Variants in TMEM26 observed in about 807,000 individuals in gnomAD.
The protein encoded by TMEM26 is transmembrane protein 26.
TMEM26 carries 38 observed loss-of-function variants against 28.8 expected under a neutral mutation model. The observed-to-expected ratio is 1.32, with a 90% CI of 1.02 to 1.73. The LOEUF is 1.73. Among genes scored for constraint, TMEM26 ranks in the 40% most tolerant of loss-of-function variants. TMEM26 has a pLI of 0.00. For synonymous variants in TMEM26, 227 were observed against 182.9 expected (o/e 1.24, Z -1.95); for missense variants, 518 against 447.1 (o/e 1.16, Z -1.43).
chr10:61,418,798 G>A (rs1294171089), intron 4 of TMEM26, among the ~76,000 whole-genome samples: 1 of 152,068 alleles, frequency 6.6e-6, no homozygotes, highest in East Asian at 1.9e-4. Context: ...GCTATAGAAG[G>A]GCTAGATGAG....
At chr10:61,416,682 A>T (rs1839657641) in intron 4 of TMEM26, among the ~76,000 whole-genome samples, 1 of 151,994 alleles carries the variant, frequency 6.6e-6, no homozygotes. Context: ...CATAGTGTGG[A>T]TGTAAATGCA....
intron 1 of TMEM26, among the ~76,000 whole-genome samples, chr10:61,444,509 T>C (rs1840146873): frequency 6.6e-6 from 1 of 152,124 alleles, no homozygotes; most frequent in Non-Finnish European, 1.5e-5. Context: ...TGTCCTGTTT[T>C]GGTTTTACAA....
chr10:61,442,125 C>A (rs961330823), intron 1 of TMEM26, among the ~76,000 whole-genome samples: 7 of 152,134 alleles, frequency 4.6e-5, no homozygotes, highest in African/African-American at 1.4e-4. Context: ...AAGCTTTACT[C>A]ATTGCTTTTG....
chr10:61,430,128 T>C (rs1564477898), intron 3 of TMEM26, among the ~76,000 whole-genome samples: 1 of 151,876 alleles, frequency 6.6e-6, no homozygotes, highest in East Asian at 1.9e-4. Flanking sequence ...AGGAAGCACA[T>C]TAGTAGAGTA....
intron 4 of TMEM26, 29 bp downstream of exon 4, chr10:61,428,897 A>C (rs1206725300): frequency 6.3e-7 from 1 of 1,597,248 alleles, no homozygotes. Flanking sequence ...CCCTGAAAAC[A>C]AGGTGTTTTT....
At chr10:61,451,772 TGTAA>T (rs1015020072) in intron 1 of TMEM26, among the ~76,000 whole-genome samples, 2 of 152,088 alleles carry the variant, frequency 1.3e-5, no homozygotes, top group Middle Eastern at 3.2e-3. Context: ...CAGTAGAAAA[TGTAA>T]GTAAGATTCA....
intron 4 of TMEM26, chr10:61,415,995 T>G (rs1244343437): frequency 5.0e-6 from 2 of 398,512 alleles, no homozygotes; most frequent in Admixed American, 3.0e-5. Context: ...AGGATTTCAG[T>G]TGCACCTGTG....
intron 1 of TMEM26, among the ~76,000 whole-genome samples, chr10:61,450,131 C>T (rs1014612744): frequency 1.3e-5 from 2 of 152,000 alleles, no homozygotes; most frequent in Non-Finnish European, 2.9e-5. Flanking sequence ...CATATGGGTA[C>T]CTTTAGTTCT....
chr10:61,418,379 C>T (rs1464737591), intron 4 of TMEM26, among the ~76,000 whole-genome samples: 1 of 151,926 alleles, frequency 6.6e-6, no homozygotes, highest in Non-Finnish European at 1.5e-5. Context: ...AGATGGCTCC[C>T]AGGTCCTTGA....
In TMEM26 at chr10:61,410,414, G is replaced by C; in HGVS notation, c.1015C>G (p.Gln339Glu). Residue 339 changes from glutamine to glutamate, a missense_variant, in exon 6 of 6, where the codon CAG becomes GAG. Transcript: ENST00000399298. ...TTAGACTCGTTCTGCCAGTCCCGCT[G>C]AGAGGGCCCACTCTCAGAGGTCTGT... ...RAQTSESGPSQRDWQNESKEG... is the reference protein window; with the variant it reads ...RAQTSESGPSERDWQNESKEG... 6.2e-7 allele frequency: 1 copy of C among 1,614,072 alleles called. No homozygotes were observed. The highest frequency in any genetic ancestry group is 1.1e-5 in the South Asian group (1 of 91,076).
chr10:61,437,181 T>C (rs1840021779), intron 1 of TMEM26, among the ~76,000 whole-genome samples: 1 of 152,198 alleles, frequency 6.6e-6, no homozygotes, highest in Non-Finnish European at 1.5e-5. Flanking sequence ...CTTCTTCTTA[T>C]AAAGCCTCCA....
At chr10:61,431,134 G>A (rs1589035878) in intron 3 of TMEM26, 85 bp downstream of exon 3, 7 of 1,047,536 alleles carry the variant, frequency 6.7e-6, no homozygotes, top group Admixed American at 1.9e-5. Context: ...AGAATTAGCT[G>A]GGAAGCATGT....
At chr10:61,422,713 T>C (rs533029988) in intron 4 of TMEM26, among the ~76,000 whole-genome samples, 7 of 151,856 alleles carry the variant, frequency 4.6e-5, no homozygotes, top group Admixed American at 3.3e-4. Context: ...GTCTCAAATA[T>C]AATAGAAAAT....
chr10:61,412,313 G>A (rs187534239), intron 5 of TMEM26, among the ~76,000 whole-genome samples: 5 of 151,932 alleles, frequency 3.3e-5, no homozygotes, highest in African/African-American at 1.2e-4. Context: ...TCCGTTTTTG[G>A]CATTTCTTAA....
At chr10:61,443,331 G>A (rs1017808577) in intron 1 of TMEM26, among the ~76,000 whole-genome samples, 28 of 151,906 alleles carry the variant, frequency 1.8e-4, no homozygotes, top group African/African-American at 5.5e-4. Context: ...CGGTTGTGGC[G>A]GCGTGCGCCT....
chr10:61,426,384 A>C (rs1414466613), intron 4 of TMEM26, among the ~76,000 whole-genome samples: 1 of 152,160 alleles, frequency 6.6e-6, no homozygotes, highest in African/African-American at 2.4e-5. Flanking sequence ...TCATTAAACA[A>C]TAGAATTACA....
chr10:61,450,791 G>T (rs1840264907), intron 1 of TMEM26, among the ~76,000 whole-genome samples: 1 of 151,774 alleles, frequency 6.6e-6, no homozygotes, highest in Admixed American at 6.6e-5. Context: ...GTTTTTGCCT[G>T]GAACCAATGG....
intron 1 of TMEM26, among the ~76,000 whole-genome samples, chr10:61,437,519 C>T (rs1840027425): frequency 6.6e-6 from 1 of 152,156 alleles, no homozygotes; most frequent in African/African-American, 2.4e-5. Context: ...CACGGTGGCT[C>T]AGGCCTGTAA....
At chr10:61,435,967 T>TA (rs1200470837) in intron 2 of TMEM26, among the ~76,000 whole-genome samples, 3 of 152,198 alleles carry the variant, frequency 2.0e-5, no homozygotes, top group Non-Finnish European at 4.4e-5. Context: ...TCCTAAATCT[T>TA]ACATAAATGT....
Sources: allele counts gnomAD v4.1 joint callset (sites outside exome capture counted in the v4.1 genomes callset), GRCh38; gene constraint gnomAD v4.1.1; transcripts MANE v1.5; gene names NCBI Gene and HGNC (gene_info 2026-07-23, HGNC 2026-07-21).